PITPNB: variants seen among roughly 807,000 people sequenced by gnomAD.
PITPNB encodes phosphatidylinositol transfer protein beta.
In PITPNB, 16 loss-of-function variants were observed where a neutral mutation model predicts 45.9. That is an observed-to-expected ratio of 0.35 (90% CI 0.24 to 0.53). The LOEUF (loss-of-function observed/expected upper bound fraction) is 0.53, where lower values mean the gene tolerates loss of function less well. PITPNB is among the 20% of genes least tolerant of loss of function. PITPNB has a pLI of 0.93. For synonymous variants in PITPNB, 112 were observed against 108.9 expected (o/e 1.03, Z -0.18); for missense variants, 188 against 330.5 (o/e 0.57, Z 3.34).
chr22:27,915,273 A>C (rs554399810), intron 1 of PITPNB, among the ~76,000 whole-genome samples: 5 of 152,202 alleles, frequency 3.3e-5, no homozygotes, highest in Middle Eastern at 3.4e-3. Flanking sequence ...TTTTATGGAA[A>C]ATTTTCAATA....
chr22:27,896,781 T>C (rs1335789339), intron 5 of PITPNB, 155 bp from the exon 6 acceptor site: 1 of 620,624 alleles, frequency 1.6e-6, no homozygotes, highest in East Asian at 2.7e-5. Context: ...CCGATTTTTA[T>C]AGACTTGTCA....
At chr22:27,894,718 G>A in intron 6 of PITPNB, 80 bp from the exon 7 acceptor site, 1 of 768,920 alleles carries the variant, frequency 1.3e-6, no homozygotes, top group Non-Finnish European at 2.2e-6. Context: ...TTTATCTTGA[G>A]TCTCTCAGGG....
At chr22:27,853,705 C>G (rs1934091452) in intron 11 of PITPNB, 42 bp from the exon 12 acceptor site, 5 of 1,416,506 alleles carry the variant, frequency 3.5e-6, no homozygotes, top group South Asian at 1.2e-5. Context: ...TGTTAAAATA[C>G]AGAGACAGGA....
At chr22:27,880,624 C>T (rs904765681) in intron 7 of PITPNB, among the ~76,000 whole-genome samples, 2 of 151,670 alleles carry the variant, frequency 1.3e-5, no homozygotes, top group Non-Finnish European at 2.9e-5. Flanking sequence ...TTGTACACAC[C>T]GATTTTTTTT....
chr22:27,854,753 A>T (rs1269370813), intron 11 of PITPNB, 101 bp downstream of exon 11: 1 of 581,908 alleles, frequency 1.7e-6, no homozygotes, highest in Non-Finnish European at 3.1e-6. Flanking sequence ...TCTAAAAATA[A>T]AACCACATTT....
intron 7 of PITPNB, among the ~76,000 whole-genome samples, chr22:27,875,033 A>G (rs1352953549): frequency 2.6e-5 from 4 of 152,258 alleles, no homozygotes; most frequent in Admixed American, 6.5e-5. Flanking sequence ...CAGCCACTCA[A>G]AACTCAACAG....
chr22:27,859,771 G>A (rs575662146), intron 9 of PITPNB, among the ~76,000 whole-genome samples: 1 of 152,282 alleles, frequency 6.6e-6, no homozygotes, highest in African/African-American at 2.4e-5. Context: ...GATGGGGCAG[G>A]GGAGTCCTTC....
intron 1 of PITPNB, 42 bp downstream of exon 1, chr22:27,919,130 C>T (rs1261027541): frequency 6.2e-7 from 1 of 1,613,908 alleles, no homozygotes; most frequent in South Asian, 1.1e-5. Flanking sequence ...TCTCCCATCA[C>T]TGCCGTCCCA....
chr22:27,882,409 G>A (rs891599084), intron 7 of PITPNB, among the ~76,000 whole-genome samples: 1 of 152,138 alleles, frequency 6.6e-6, no homozygotes, highest in African/African-American at 2.4e-5. Flanking sequence ...CAAAAAACAG[G>A]TACTGGCTTA....
At chr22:27,896,157 T>C (rs1935425096) in intron 6 of PITPNB, among the ~76,000 whole-genome samples, 1 of 152,234 alleles carries the variant, frequency 6.6e-6, no homozygotes, top group South Asian at 2.1e-4. Flanking sequence ...GCCCATACCC[T>C]TGCAAAGCAG....
intron 4 of PITPNB, 67 bp from the exon 5 acceptor site, chr22:27,897,204 C>G: frequency 1.2e-5 from 12 of 961,172 alleles, no homozygotes; most frequent in Non-Finnish European, 1.7e-5. Flanking sequence ...GGAGTCAAAA[C>G]AATCTGTCCC....
chr22:27,873,474 T>C (rs965540334), intron 8 of PITPNB, among the ~76,000 whole-genome samples: 7 of 152,154 alleles, frequency 4.6e-5, no homozygotes, highest in African/African-American at 1.4e-4. Flanking sequence ...AACATTAGAA[T>C]CCCCAAAGAC....
At chr22:27,880,134 G>C (rs1934927502) in intron 7 of PITPNB, among the ~76,000 whole-genome samples, 1 of 152,148 alleles carries the variant, frequency 6.6e-6, no homozygotes, top group Non-Finnish European at 1.5e-5. Context: ...GGGCAGGGAA[G>C]TGAAATTCTT....
intron 3 of PITPNB, among the ~76,000 whole-genome samples, chr22:27,903,502 C>T (rs923023742): frequency 6.7e-6 from 1 of 150,192 alleles, no homozygotes; most frequent in African/African-American, 2.5e-5. Context: ...GCAGCCAAGG[C>T]CAGTGGCTCA....
chr22:27,910,795 C>T (rs915374774), intron 3 of PITPNB, 169 bp downstream of exon 3: 8 of 561,500 alleles, frequency 1.4e-5, no homozygotes, highest in Non-Finnish European at 2.2e-5. Context: ...AGATATAATC[C>T]TTTTCTAATT....
intron 7 of PITPNB, among the ~76,000 whole-genome samples, chr22:27,874,251 G>A (rs201754705): frequency 6.6e-6 from 1 of 152,176 alleles, no homozygotes; most frequent in East Asian, 1.9e-4. Flanking sequence ...ACTGTGGCTG[G>A]GAACAAAATC....
At chr22:27,881,268 G>A (rs1934964418) in intron 7 of PITPNB, among the ~76,000 whole-genome samples, 1 of 152,154 alleles carries the variant, frequency 6.6e-6, no homozygotes, top group South Asian at 2.1e-4. Context: ...TTAAGCATAA[G>A]CAAAATCACT....
chr22:27,900,013 G>A lies in PITPNB; in HGVS notation c.198-2121C>T, dbSNP rs192165507. Among the ~76,000 whole-genome samples the A allele has an allele frequency of 9.9e-4, 150 of 152,114 alleles. 1 individual carries two copies. The highest frequency in any genetic ancestry group is 3.4e-3 in the African/African-American group (143 of 41,522). ...AGGTCAGGAGTTCGAGACCAGCCTG[G>A]CCAACATGGCAAAACCCATCTCTAC... On this transcript the variant is annotated intron_variant, in intron 3 of 11. Coordinates refer to ENST00000335272, the MANE Select transcript of PITPNB (RefSeq NM_012399.5).
At chr22:27,897,626 A>C (rs1350138003) in intron 4 of PITPNB, among the ~76,000 whole-genome samples, 175 bp downstream of exon 4, 1 of 152,144 alleles carries the variant, frequency 6.6e-6, no homozygotes, top group East Asian at 1.9e-4. Context: ...CCTGTCACAA[A>C]GTTCTAGGGG....
Sources: allele counts gnomAD v4.1 joint callset (sites outside exome capture counted in the v4.1 genomes callset), GRCh38; gene constraint gnomAD v4.1.1; transcripts MANE v1.5; gene names NCBI Gene and HGNC (gene_info 2026-07-23, HGNC 2026-07-21).